The following ITGBL1 variants were observed in gnomAD, a reference collection of about 807,000 sequenced individuals.
ITGBL1 encodes the protein integrin beta-like protein 1.
Under a neutral mutation model 68.5 loss-of-function variants are expected in ITGBL1, and 51 were observed. The observed-to-expected ratio is 0.74, with a 90% CI of 0.59 to 0.94. The LOEUF is 0.94. Among genes scored for constraint, ITGBL1 ranks in the 40% least tolerant of loss-of-function variants. The pLI, the probability that ITGBL1 is intolerant of heterozygous loss-of-function variation, is 0.00. For missense variants in ITGBL1, 649 were observed against 647.4 expected (o/e 1.00, Z -0.03); for synonymous variants, 209 against 227.3 (o/e 0.92, Z 0.72).
chr13:101,641,465 TTTTA>T (rs547518477), intron 7 of ITGBL1, among the ~76,000 whole-genome samples: 1 of 151,948 alleles, frequency 6.6e-6, no homozygotes, highest in African/African-American at 2.4e-5. Context: ...TCATTGTGGT[TTTTA>T]TTCTCAATTT....
chr13:101,476,051 A>C (rs372935117), intron 2 of ITGBL1, among the ~76,000 whole-genome samples: 243 of 152,296 alleles, frequency 1.6e-3, no homozygotes, highest in African/African-American at 5.4e-3. Flanking sequence ...CAAATACAGA[A>C]TATTATAGCA....
chr13:101,709,039 A>G (rs2034328969), intron 9 of ITGBL1, among the ~76,000 whole-genome samples: 2 of 152,226 alleles, frequency 1.3e-5, no homozygotes, highest in African/African-American at 4.8e-5. Flanking sequence ...GGAAGAAAAC[A>G]AGGGAAAGAA....
intron 2 of ITGBL1, among the ~76,000 whole-genome samples, chr13:101,519,673 C>T (rs181685397): frequency 0.013 from 1,969 of 152,226 alleles, 20 homozygotes; most frequent in Non-Finnish European, 0.022. Flanking sequence ...ACAACACCTA[C>T]TTATATCATT....
In ITGBL1 at chr13:101,452,830, C is replaced by T. The variant is rs762115129; in HGVS notation, c.-4C>T. ...GCTCGCCCGGAGCAGCCCAGGAGCTCAGCATGCGTCCCCCAGGCTTCAGGA... is the reference window on the plus strand; with the variant it reads ...GCTCGCCCGGAGCAGCCCAGGAGCTTAGCATGCGTCCCCCAGGCTTCAGGA... On this transcript the variant is annotated 5_prime_UTR_variant, in exon 1 of 11. Coordinates refer to ENST00000376180, the MANE Select transcript of ITGBL1 (RefSeq NM_004791.3). 59 of 1,613,034 alleles carry T rather than the reference C, an allele frequency of 3.7e-5. No homozygotes were observed. Among genetic ancestry groups the T allele is most frequent in the Non-Finnish European group, 4.8e-5 (57 of 1,179,220 alleles).
intron 7 of ITGBL1, among the ~76,000 whole-genome samples, chr13:101,627,287 A>G (rs1356405516): frequency 6.6e-6 from 1 of 151,934 alleles, no homozygotes; most frequent in Non-Finnish European, 1.5e-5. Flanking sequence ...GCTTTTTGTA[A>G]TACACTTTAT....
intron 7 of ITGBL1, among the ~76,000 whole-genome samples, chr13:101,617,071 A>G (rs1032430780): frequency 1.3e-5 from 2 of 152,194 alleles, no homozygotes; most frequent in Admixed American, 6.5e-5. Context: ...TGATTTAGAC[A>G]TCTCTGCATA....
chr13:101,697,347 C>T (rs1293145002), intron 8 of ITGBL1, among the ~76,000 whole-genome samples: 1 of 152,020 alleles, frequency 6.6e-6, no homozygotes, highest in Non-Finnish European at 1.5e-5. Context: ...GGTTTTGTTT[C>T]TGAGGAGTAA....
rs984198146 is a variant in ITGBL1 at position 101,480,891 on chromosome 13, A to T, written c.316+26791A>T. ...AAGCAAAATTTTAAGGTAGGATATCATGGACATTTTGCTTGCCTAGGCCAG... is the reference window on the plus strand; with the variant it reads ...AAGCAAAATTTTAAGGTAGGATATCTTGGACATTTTGCTTGCCTAGGCCAG... On this transcript the variant is annotated intron_variant, in intron 2 of 10. Transcript: ENST00000376180. Among the ~76,000 whole-genome samples the T allele has an allele frequency of 3.9e-5, 6 of 151,924 alleles. No individual in the cohort carries two copies. In the South Asian group the frequency reaches 1.2e-3, roughly 32 times the overall value.
At chr13:101,543,555 G>C (rs963834505) in intron 2 of ITGBL1, among the ~76,000 whole-genome samples, 3 of 152,076 alleles carry the variant, frequency 2.0e-5, no homozygotes, top group African/African-American at 7.2e-5. Context: ...CTCTTCTTGA[G>C]GAGTATCTTT....
intron 2 of ITGBL1, among the ~76,000 whole-genome samples, chr13:101,458,846 T>C (rs2048280585): frequency 6.6e-6 from 1 of 152,208 alleles, no homozygotes; most frequent in African/African-American, 2.4e-5. Flanking sequence ...CCCACAGATA[T>C]GGAGGCCCGA....
At chr13:101,521,628 C>G (rs1044261258) in intron 2 of ITGBL1, among the ~76,000 whole-genome samples, 1 of 151,930 alleles carries the variant, frequency 6.6e-6, no homozygotes, top group Non-Finnish European at 1.5e-5. Context: ...CGAACCAGCT[C>G]GAAGACCTGG....
At chr13:101,720,729 T>TTAAC (rs1210321183), downstream of ITGBL1, 1 of 150,118 alleles carries the variant, frequency 6.7e-6, no homozygotes, top group African/African-American at 2.5e-5. Flanking sequence ...CTAATATATT[T>TTAAC]TAACTGTTCC....
chr13:101,533,407 G>A (rs910035358), intron 2 of ITGBL1, among the ~76,000 whole-genome samples: 1 of 152,178 alleles, frequency 6.6e-6, no homozygotes, highest in Non-Finnish European at 1.5e-5. Context: ...TTCAAACAAA[G>A]CTCTGTGCAG....
At position 101,591,094 on chromosome 13, in the gene ITGBL1, G is replaced by A. The variant is rs2050645018; in HGVS notation, c.869-7059G>A. Reference sequence around the variant, plus strand: ...ATTTTTGTATTTTTAGTAGAGATGGGGTTTCACCATGTTGGCCAGGCTGGT... The same window carrying A: ...ATTTTTGTATTTTTAGTAGAGATGGAGTTTCACCATGTTGGCCAGGCTGGT... On this transcript the variant is annotated intron_variant, in intron 6 of 10. Transcript: ENST00000376180. 2.0e-5 allele frequency among the ~76,000 whole-genome samples: 3 copies of A among 152,174 alleles called. No individual in the cohort carries two copies. The South Asian group carries it at 6.2e-4, about 32-fold the overall frequency.
intron 2 of ITGBL1, among the ~76,000 whole-genome samples, chr13:101,563,768 A>T (rs2050137482): frequency 6.6e-6 from 1 of 151,884 alleles, no homozygotes; most frequent in Non-Finnish European, 1.5e-5. Flanking sequence ...AAACTAGGAG[A>T]TTAGAGAATA....
chr13:101,516,612 T>C (rs1234348813), intron 2 of ITGBL1, among the ~76,000 whole-genome samples: 2 of 152,174 alleles, frequency 1.3e-5, no homozygotes, highest in African/African-American at 4.8e-5. Context: ...GACTGGATAT[T>C]ATCATAGCCC....
At chr13:101,605,877 CAT>C (rs765447420) in intron 7 of ITGBL1, among the ~76,000 whole-genome samples, 9 of 148,898 alleles carry the variant, frequency 6.0e-5, no homozygotes, top group Non-Finnish European at 1.0e-4. Flanking sequence ...TATATATACA[CAT>C]ATATAGACAT....
At chr13:101,533,980 G>A (rs1351816018) in intron 2 of ITGBL1, among the ~76,000 whole-genome samples, 1 of 152,096 alleles carries the variant, frequency 6.6e-6, no homozygotes, top group Non-Finnish European at 1.5e-5. Context: ...AAGCCACTAA[G>A]GAAACAAAGA....
chr13:101,569,227 A>G (rs1023380398), intron 3 of ITGBL1, among the ~76,000 whole-genome samples: 3 of 151,818 alleles, frequency 2.0e-5, no homozygotes, highest in African/African-American at 7.3e-5. Flanking sequence ...TTTGAAATCT[A>G]TTTTGGGATT....
Sources: allele counts gnomAD v4.1 joint callset (sites outside exome capture counted in the v4.1 genomes callset), GRCh38; gene constraint gnomAD v4.1.1; transcripts MANE v1.5; gene names NCBI Gene and HGNC (gene_info 2026-07-23, HGNC 2026-07-21).